ARHGEF9: variants seen among roughly 807,000 people sequenced by gnomAD.
ARHGEF9 encodes Cdc42 guanine nucleotide exchange factor 9.
A neutral mutation model predicts 41.3 loss-of-function variants in ARHGEF9; 2 were observed. That is an observed-to-expected ratio of 0.05 (90% confidence interval 0.02 to 0.15). ARHGEF9 has a LOEUF of 0.15. Among genes scored for constraint, ARHGEF9 ranks in the 10% least tolerant of loss-of-function variants. ARHGEF9 has a pLI of 1.00. For synonymous variants in ARHGEF9, 160 were observed against 154.4 expected (o/e 1.04, Z -0.27); for missense variants, 225 against 424.7 (o/e 0.53, Z 4.13).
chrX:63,765,905 G>A (rs1569506153), intron 1 of ARHGEF9, among the ~76,000 whole-genome samples: 2 of 111,500 alleles, frequency 1.8e-5, no homozygotes. Context: ...ACATGTAAAC[G>A]GAACTTCACA....
At chrX:63,774,957 T>C (rs782264739) in intron 1 of ARHGEF9, among the ~76,000 whole-genome samples, 1 of 112,005 alleles carries the variant, frequency 8.9e-6, no homozygotes, top group Non-Finnish European at 1.9e-5. Context: ...AAGGAACTTA[T>C]ACAAATCAAT....
At chrX:63,674,298 C>A in intron 5 of ARHGEF9, 131 bp from the exon 6 acceptor site, 1 of 713,920 alleles carries the variant, frequency 1.4e-6, no homozygotes, top group Non-Finnish European at 2.1e-6. Flanking sequence ...TGGGAACCCA[C>A]ACCACCTAAA....
chrX:63,778,171 T>G lies in ARHGEF9; in HGVS notation c.30+6945A>C, dbSNP rs143365573. 1.1e-3 allele frequency among the ~76,000 whole-genome samples: 125 copies of G among 112,680 alleles called. 1 individual carries two copies. In the East Asian group the frequency reaches 0.028, roughly 25 times the overall value. On this transcript the variant is annotated intron_variant, in intron 1 of 9. Transcript: ENST00000671741. ...CATCCTCTGAAATCTAGGCAGACTT[T>G]CTTGGGAAGGTTTGGCCTCAATTCT...
At chrX:63,710,952 C>A (rs1434222537) in intron 2 of ARHGEF9, among the ~76,000 whole-genome samples, 1 of 110,659 alleles carries the variant, frequency 9.0e-6, no homozygotes, top group Non-Finnish European at 1.9e-5. Flanking sequence ...CAAAAAAAAA[C>A]CTTTTATAAT....
rs1286995165 is a variant in ARHGEF9, at chrX:63,638,337, A to G, written c.1391-128T>C. On this transcript the variant is annotated intron_variant, in intron 9 of 9. Coordinates refer to ENST00000671741, the MANE Select transcript of ARHGEF9 (RefSeq NM_001353921.2). ...GGTTTAGAGAGTGTGAACTGGTTTT[A>G]CAAATCATCCAAGGGGAGAATTCCT... 2.6e-5 allele frequency: 16 copies of G among 615,518 alleles called. No individual in the cohort carries two copies. The Admixed American group carries it at 4.4e-4, about 17-fold the overall frequency. The allele number at this position is 615,518 out of a possible 1,213,427, so 50.7% of individuals were successfully genotyped here.
At chrX:63,646,212 G>T (rs1602196502) in intron 8 of ARHGEF9, among the ~76,000 whole-genome samples, 1 of 111,877 alleles carries the variant, frequency 8.9e-6, no homozygotes, top group African/African-American at 3.2e-5. Context: ...TTCTTTTGCT[G>T]TGCAGAAGCT....
rs1173048950 is a variant in ARHGEF9, at chrX:63,694,217, T to C, written c.582+2908A>G. 3.6e-5 allele frequency among the ~76,000 whole-genome samples: 4 copies of C among 111,152 alleles called. No homozygotes were observed. In the Admixed American group the frequency reaches 3.8e-4, roughly 11 times the overall value. Reference sequence around the variant, plus strand: ...AAAAAAATACTGATAATATCAAGTGTTGATGACCATGTGGAGTAACTTCAA... The same window carrying C: ...AAAAAAATACTGATAATATCAAGTGCTGATGACCATGTGGAGTAACTTCAA... On this transcript the variant is annotated intron_variant, in intron 4 of 9. Transcript: ENST00000671741.
intron 1 of ARHGEF9, chrX:63,755,305 G>A (rs1249529593): frequency 1.3e-5 from 11 of 846,424 alleles, no homozygotes; most frequent in African/African-American, 1.1e-4. Context: ...GAGCCTCAAG[G>A]CTCCCAAGCA....
intron 6 of ARHGEF9, among the ~76,000 whole-genome samples, chrX:63,666,297 CTCTG>C (rs1451604585): frequency 2.8e-5 from 3 of 106,862 alleles, no homozygotes; most frequent in Non-Finnish European, 3.9e-5. Context: ...CCTATAAGTT[CTCTG>C]TCTGTCTGTC....
intron 6 of ARHGEF9, among the ~76,000 whole-genome samples, chrX:63,673,733 G>C (rs1376131339): frequency 2.7e-5 from 3 of 111,197 alleles, no homozygotes; most frequent in African/African-American, 9.8e-5. Context: ...TGAATCTGTT[G>C]GTCATAAATC....
intron 1 of ARHGEF9, among the ~76,000 whole-genome samples, chrX:63,747,811 T>G (rs782246848): frequency 8.9e-6 from 1 of 112,661 alleles, no homozygotes; most frequent in East Asian, 2.8e-4. Context: ...TATTCTGTTT[T>G]AAAGCTAAAT....
At chrX:63,716,089 C>A (rs782759201) in intron 2 of ARHGEF9, 1 of 111,071 alleles carries the variant, frequency 9.0e-6, no homozygotes, top group Non-Finnish European at 1.9e-5. Context: ...GAGTTCAAGA[C>A]CAGTCTGGGC....
chrX:63,753,231 G>A (rs2055761730), intron 1 of ARHGEF9, among the ~76,000 whole-genome samples: 1 of 111,554 alleles, frequency 9.0e-6, no homozygotes, highest in African/African-American at 3.3e-5. Context: ...TGTTTTCCAT[G>A]CTCTCATCCC....
At chrX:63,752,144 C>T (rs2055682065) in intron 1 of ARHGEF9, among the ~76,000 whole-genome samples, 1 of 111,065 alleles carries the variant, frequency 9.0e-6, no homozygotes, top group African/African-American at 3.3e-5. Flanking sequence ...CCTCCCATCA[C>T]CCTTTGATTA....
intron 6 of ARHGEF9, among the ~76,000 whole-genome samples, chrX:63,673,779 A>C (rs377437481): frequency 1.3e-4 from 14 of 111,631 alleles, no homozygotes; most frequent in East Asian, 1.1e-3. Context: ...AATCAACCCT[A>C]ATTGTTCCTT....
At chrX:63,654,881 G>A (rs1556333811) in intron 8 of ARHGEF9, among the ~76,000 whole-genome samples, 2 of 111,950 alleles carry the variant, frequency 1.8e-5, no homozygotes, top group Non-Finnish European at 3.8e-5. Flanking sequence ...AAATCCCACA[G>A]TTGGGAAGCA....
chrX:63,666,453 T>TACATACACAC (rs1556348917), intron 6 of ARHGEF9, among the ~76,000 whole-genome samples: 3 of 81,263 alleles, frequency 3.7e-5, no homozygotes, highest in Non-Finnish European at 2.4e-5. Context: ...TATATATACA[T>TACATACACAC]ACACACACAC....
intron 8 of ARHGEF9, among the ~76,000 whole-genome samples, chrX:63,652,750 T>A (rs2039983799): frequency 9.0e-6 from 1 of 111,524 alleles, no homozygotes; most frequent in African/African-American, 3.3e-5. Context: ...TTTGGCTCTG[T>A]GTCCCCACCC....
intron 2 of ARHGEF9, among the ~76,000 whole-genome samples, chrX:63,721,677 A>G (rs1202496097): frequency 9.0e-6 from 1 of 111,387 alleles, no homozygotes; most frequent in Non-Finnish European, 1.9e-5. Context: ...TAGAGACACA[A>G]TCATATCCTA....
Sources: gnomAD v4.1 joint callset for allele counts (sites outside exome capture counted in the v4.1 genomes callset) on GRCh38, gnomAD v4.1.1 for gene constraint, MANE v1.5 for transcripts, NCBI Gene and HGNC (gene_info 2026-07-23, HGNC 2026-07-21) for gene names.